Variants in TBC1D22B observed in about 807,000 individuals in gnomAD.
TBC1D22B encodes TBC1 domain family member 22B, also known as chromosome 6 open reading frame 197.
A neutral mutation model predicts 69.1 loss-of-function variants in TBC1D22B; 32 were observed. That is an observed-to-expected ratio of 0.46 (90% confidence interval 0.35 to 0.62). The LOEUF (loss-of-function observed/expected upper bound fraction) is 0.62, where lower values mean the gene tolerates loss of function less well. Among genes scored for constraint, TBC1D22B ranks in the 20% least tolerant of loss-of-function variants. TBC1D22B has a pLI of 0.00. For synonymous variants in TBC1D22B, 206 were observed against 229.8 expected (o/e 0.90, Z 0.94); for missense variants, 462 against 630.9 (o/e 0.73, Z 2.87).
intron 8 of TBC1D22B, among the ~76,000 whole-genome samples, chr6:37,312,685 T>G (rs1767952068): frequency 6.6e-6 from 1 of 152,228 alleles, no homozygotes; most frequent in Non-Finnish European, 1.5e-5. Context: ...GGGACTAGCA[T>G]GAGAAATGGC....
At chr6:37,280,533 A>G (rs1766791633) in intron 3 of TBC1D22B, among the ~76,000 whole-genome samples, 1 of 152,212 alleles carries the variant, frequency 6.6e-6, no homozygotes, top group Non-Finnish European at 1.5e-5. Flanking sequence ...ATAGGCATTC[A>G]GTGTTACTGG....
intron 1 of TBC1D22B, among the ~76,000 whole-genome samples, chr6:37,259,070 C>T (rs1470639037): frequency 6.8e-6 from 1 of 147,106 alleles, no homozygotes; most frequent in Non-Finnish European, 1.5e-5. Flanking sequence ...GTTGCCAGGG[C>T]TGGTCTCTGA....
intron 12 of TBC1D22B, among the ~76,000 whole-genome samples, chr6:37,321,674 C>T (rs1268089134): frequency 1.3e-5 from 2 of 152,128 alleles, no homozygotes; most frequent in African/African-American, 4.8e-5. Context: ...CTCTAATGCT[C>T]CAGGGTGGAC....
At chr6:37,329,061 A>T (rs751415566) in intron 12 of TBC1D22B, among the ~76,000 whole-genome samples, 1 of 152,134 alleles carries the variant, frequency 6.6e-6, no homozygotes, top group Non-Finnish European at 1.5e-5. Flanking sequence ...AAGTTATTTC[A>T]TAACACAATA....
At chr6:37,260,775 G>A (rs1766065556) in intron 1 of TBC1D22B, among the ~76,000 whole-genome samples, 1 of 152,078 alleles carries the variant, frequency 6.6e-6, no homozygotes, top group African/African-American at 2.4e-5. Context: ...CTTTTATTAA[G>A]CACAGTGATT....
At chr6:37,291,098 A>T (rs1767164749) in intron 7 of TBC1D22B, 145 bp from the exon 8 acceptor site, 4 of 635,598 alleles carry the variant, frequency 6.3e-6, no homozygotes, top group Middle Eastern at 2.6e-4. Flanking sequence ...TTTTGCATTT[A>T]TATACTTCTT....
At chr6:37,326,002 G>C (rs4714056) in intron 12 of TBC1D22B, among the ~76,000 whole-genome samples, 136,703 of 152,160 alleles carry the variant, frequency 0.9, 61,474 homozygotes, top group African/African-American at 0.94. Flanking sequence ...ATTCACTTGT[G>C]CAGGGGTGGA....
At chr6:37,313,950 G>A (rs901046613) in intron 10 of TBC1D22B, 59 bp downstream of exon 10, 15 of 1,533,290 alleles carry the variant, frequency 9.8e-6, no homozygotes, top group South Asian at 4.5e-5. Flanking sequence ...GTTATGAGGC[G>A]GTTGTGCTTG....
chr6:37,302,857 T>C (rs997294390), intron 8 of TBC1D22B, among the ~76,000 whole-genome samples: 1 of 152,216 alleles, frequency 6.6e-6, no homozygotes, highest in Non-Finnish European at 1.5e-5. Flanking sequence ...AGCTTATTTC[T>C]CTCACATTAA....
At chr6:37,297,248 G>T (rs1482686919) in intron 8 of TBC1D22B, among the ~76,000 whole-genome samples, 1 of 152,112 alleles carries the variant, frequency 6.6e-6, no homozygotes, top group Non-Finnish European at 1.5e-5. Context: ...TTTGAATCAG[G>T]GTCCAAATCA....
At chr6:37,315,501 G>A (rs1006969336) in intron 10 of TBC1D22B, among the ~76,000 whole-genome samples, 3 of 152,154 alleles carry the variant, frequency 2.0e-5, no homozygotes, top group African/African-American at 7.2e-5. Flanking sequence ...AGGCTACAGT[G>A]AGCCAAGATC....
chr6:37,316,691 T>C lies in TBC1D22B; in HGVS notation c.1166-12T>C. On this transcript the variant is annotated splice_polypyrimidine_tract_variant and intron_variant, in intron 10 of 12. Coordinates refer to ENST00000373491, the MANE Select transcript of TBC1D22B (RefSeq NM_017772.4). ...CCCCTAGGTTGATCCCCAATGATGC[T>C]TCCTGTTTCAGAGCAGGTACATAAT... The C allele has an allele frequency of 6.2e-7, 1 of 1,614,102 alleles. No individual in the cohort carries two copies. Among genetic ancestry groups the C allele is most frequent in the Non-Finnish European group, 8.5e-7 (1 of 1,179,998 alleles).
intron 8 of TBC1D22B, among the ~76,000 whole-genome samples, chr6:37,294,878 G>A (rs980474924): frequency 6.6e-6 from 1 of 152,182 alleles, no homozygotes; most frequent in Non-Finnish European, 1.5e-5. Flanking sequence ...TCTGCAGCCT[G>A]TGGATCAAGA....
intron 8 of TBC1D22B, among the ~76,000 whole-genome samples, chr6:37,292,077 T>C (rs1767203498): frequency 6.6e-6 from 1 of 152,204 alleles, no homozygotes; most frequent in Non-Finnish European, 1.5e-5. Context: ...CTTTGTTTCC[T>C]TAGGTAAGGA....
At chr6:37,287,135 C>T (rs372422523) in intron 7 of TBC1D22B, 63 bp downstream of exon 7, 305 of 1,415,092 alleles carry the variant, frequency 2.2e-4, no homozygotes, top group Non-Finnish European at 2.7e-4. Context: ...CACCTGTTTA[C>T]AGGTTTGCGG....
Position 37,314,856 on chromosome 6 carries a change from C to T in TBC1D22B, c.1165+965C>T, listed in dbSNP as rs117963737. 8.7e-4 allele frequency among the ~76,000 whole-genome samples: 114 copies of T among 131,386 alleles called. 2 individuals are homozygous for T. In the East Asian group the frequency reaches 0.022, roughly 26 times the overall value. 86.2% of individuals were successfully genotyped at this position (131,386 alleles called of 152,430 possible). On this transcript the variant is annotated intron_variant, in intron 10 of 12. Transcript: ENST00000373491. Reference sequence around the variant, plus strand: ...TCATGAAAACCTTCATTGAGTTGTTCCACTCACTCTATTTTATGACTTAGC... The same window carrying T: ...TCATGAAAACCTTCATTGAGTTGTTTCACTCACTCTATTTTATGACTTAGC...
chr6:37,277,335 CCT>C lies in TBC1D22B; in HGVS notation c.114-1968_114-1967del, dbSNP rs1251165806. Among the ~76,000 whole-genome samples the C allele has an allele frequency of 2.0e-5, 3 of 152,128 alleles. No individual in the cohort carries two copies. The East Asian group carries it at 5.8e-4, about 29-fold the overall frequency. On this transcript the variant is annotated intron_variant, in intron 2 of 12. Transcript: ENST00000373491. ...CATGTTTGTTCTCGACAGCGAATCCCCTGAGGTGGTACTGCAGGTGGTAGATC... is the reference window on the plus strand; with the variant it reads ...CATGTTTGTTCTCGACAGCGAATCCCGAGGTGGTACTGCAGGTGGTAGATC...
intron 1 of TBC1D22B, among the ~76,000 whole-genome samples, chr6:37,267,526 C>CA (rs1294852652): frequency 7.1e-5 from 4 of 56,604 alleles, no homozygotes; most frequent in South Asian, 6.3e-4. Flanking sequence ...TATATATACA[C>CA]TATATATATA....
intron 2 of TBC1D22B, among the ~76,000 whole-genome samples, chr6:37,277,590 C>T (rs935604167): frequency 4.0e-5 from 6 of 151,734 alleles, no homozygotes; most frequent in Non-Finnish European, 8.8e-5. Flanking sequence ...CTCAGCCTCC[C>T]GAGTAGCTGG....
Sources: gnomAD v4.1 joint callset for allele counts (sites outside exome capture counted in the v4.1 genomes callset) on GRCh38, gnomAD v4.1.1 for gene constraint, MANE v1.5 for transcripts, NCBI Gene and HGNC (gene_info 2026-07-23, HGNC 2026-07-21) for gene names.